Variants in STMN1 observed in about 807,000 individuals in gnomAD.
STMN1 encodes stathmin 1, also known as stathmin.
STMN1 carries 3 observed loss-of-function variants against 19.7 expected under a neutral mutation model. The observed-to-expected ratio is 0.15, with a 90% CI of 0.07 to 0.39. STMN1 has a LOEUF of 0.39. Among genes scored for constraint, STMN1 ranks in the 10% least tolerant of loss-of-function variants. The pLI is 1.00. For synonymous variants in STMN1, 59 were observed against 58.9 expected (o/e 1.00, Z -0.01); for missense variants, 99 against 176.0 (o/e 0.56, Z 2.48).
At chr1:25,906,621 G>A (rs1436673498), upstream of STMN1, among the ~76,000 whole-genome samples, 1 of 152,126 alleles carries the variant, frequency 6.6e-6, no homozygotes, top group Non-Finnish European at 1.5e-5. The surrounding 1 kb of genome is among the most constrained non-coding windows in gnomAD (Gnocchi z 4.5). Context: ...GCCGGGGGTT[G>A]CAGGGCGCCT....
chr1:25,892,380 CTTTTTTT>C (rs35541438), intron 4 of STMN1: 12 of 173,690 alleles, frequency 6.9e-5, no homozygotes, highest in East Asian at 2.4e-4. Context: ...CAGAGCAAGA[CTTTTTTT>C]TTTTTTTTTT....
intron 4 of STMN1, among the ~76,000 whole-genome samples, chr1:25,894,220 C>A (rs1398674354): frequency 6.6e-6 from 1 of 152,178 alleles, no homozygotes; most frequent in African/African-American, 2.4e-5. Flanking sequence ...TCAGTGGGAT[C>A]TCCTGTGCAG....
chr1:25,903,487 T>A, intron 3 of STMN1, 154 bp downstream of exon 3: 1 of 996,728 alleles, frequency 1.0e-6, no homozygotes, highest in Non-Finnish European at 1.5e-6. Flanking sequence ...GTAACAGGAG[T>A]TCAATAAATG....
chr1:25,903,938 T>G (rs966701897), intron 2 of STMN1, 125 bp from the exon 3 acceptor site: 36 of 1,016,790 alleles, frequency 3.5e-5, no homozygotes, highest in African/African-American at 1.5e-4. Flanking sequence ...GAAAGTTGTG[T>G]TTTTTTTCCC....
At chr1:25,897,545 G>A (rs1188144781), downstream of STMN1, among the ~76,000 whole-genome samples, 1 of 152,134 alleles carries the variant, frequency 6.6e-6, no homozygotes, top group East Asian at 1.9e-4. Flanking sequence ...GGTGGGGGAT[G>A]AGACCTCACT....
chr1:25,897,090 A>C (rs1481969422), downstream of STMN1, among the ~76,000 whole-genome samples: 1 of 152,102 alleles, frequency 6.6e-6, no homozygotes, highest in Non-Finnish European at 1.5e-5. Flanking sequence ...TGAGGCAGGC[A>C]GATCATGAGG....
At chr1:25,896,500 T>A (rs953839633), downstream of STMN1, among the ~76,000 whole-genome samples, 2 of 152,148 alleles carry the variant, frequency 1.3e-5, no homozygotes, top group African/African-American at 4.8e-5. Flanking sequence ...ATTTCCTGTC[T>A]GTTTTTTCTT....
chr1:25,898,048 G>T (rs1057198696), downstream of STMN1, among the ~76,000 whole-genome samples: 3 of 152,088 alleles, frequency 2.0e-5, no homozygotes, highest in Non-Finnish European at 4.4e-5. Flanking sequence ...CCACTCTCCA[G>T]TCAACTCACC....
chr1:25,902,542 C>G (rs2048887809), intron 3 of STMN1: 1 of 152,240 alleles, frequency 6.6e-6, no homozygotes, highest in Non-Finnish European at 1.5e-5. Flanking sequence ...ACAGCTTGTT[C>G]TCAAAACACA....
intron 3 of STMN1, chr1:25,902,630 C>T (rs569766427): frequency 6.6e-6 from 1 of 152,326 alleles, no homozygotes; most frequent in South Asian, 2.1e-4. Flanking sequence ...AAATCCTAGT[C>T]ATGATGGGAG....
At chr1:25,896,221 G>A (rs1040640110), downstream of STMN1, among the ~76,000 whole-genome samples, 5 of 152,142 alleles carry the variant, frequency 3.3e-5, no homozygotes, top group African/African-American at 1.2e-4. Context: ...CTTACTTCTC[G>A]CCTATGGAAT....
At chr1:25,892,402 T>A (rs61775035) in intron 4 of STMN1, 24 of 302,990 alleles carry the variant, frequency 7.9e-5, no homozygotes, top group East Asian at 1.7e-4. Flanking sequence ...TTTTTTTTTT[T>A]AAATAAAATC....
intron 4 of STMN1, among the ~76,000 whole-genome samples, chr1:25,890,249 GTA>G (rs2048760590): frequency 6.6e-6 from 1 of 152,160 alleles, no homozygotes; most frequent in African/African-American, 2.4e-5. Flanking sequence ...AACACATGAG[GTA>G]TGTCCGAAAC....
chr1:25,887,561 G>A (rs753466784), intron 4 of STMN1: 4 of 257,798 alleles, frequency 1.6e-5, no homozygotes, highest in Non-Finnish European at 2.4e-5. Flanking sequence ...GTATAAAAAT[G>A]TCCTTTATAG....
chr1:25,888,170 T>G (rs1026344573), intron 4 of STMN1, among the ~76,000 whole-genome samples: 12 of 152,228 alleles, frequency 7.9e-5, no homozygotes. Flanking sequence ...CCGTCAGAGG[T>G]AGAACACAGC....
At chr1:25,897,323 A>G (rs2048827273), downstream of STMN1, among the ~76,000 whole-genome samples, 1 of 143,594 alleles carries the variant, frequency 7.0e-6, no homozygotes, top group Non-Finnish European at 1.5e-5. Flanking sequence ...AAAAAAAAAA[A>G]AAAGAAAAGA....
chr1:25,903,101 ATATT>A (rs2048894218), intron 3 of STMN1: 1 of 152,234 alleles, frequency 6.6e-6, no homozygotes, highest in Admixed American at 6.5e-5. Context: ...TAGCATATTA[ATATT>A]TATTGATTCT....
downstream of STMN1, among the ~76,000 whole-genome samples, chr1:25,895,428 AAC>A (rs941568960): frequency 1.3e-5 from 2 of 152,188 alleles, no homozygotes; most frequent in African/African-American, 4.8e-5. Flanking sequence ...TGATCTAAAA[AAC>A]AGTTTGGCTG....
Position 25,904,707 on chromosome 1 carries a change from A to G in STMN1, c.-31T>C. The stretch of plus-strand genomic sequence containing the variant: ...ATAGAAGACAAGCGACAGGCAGTGT[A>G]TTCTGCACAATCAACTGGGATAAGG... On this transcript the variant is annotated 5_prime_UTR_variant, in exon 2 of 5. Coordinates refer to ENST00000455785, the MANE Select transcript of STMN1 (RefSeq NM_005563.4). 6.2e-7 allele frequency: 1 copy of G among 1,610,402 alleles called. No homozygotes were observed. The highest frequency in any genetic ancestry group is 8.5e-7 in the Non-Finnish European group (1 of 1,179,018).
Sources: allele counts gnomAD v4.1 joint callset (sites outside exome capture counted in the v4.1 genomes callset), GRCh38; gene constraint gnomAD v4.1.1; non-coding constraint Gnocchi (gnomAD v3.1); transcripts MANE v1.5; gene names NCBI Gene and HGNC (gene_info 2026-07-23, HGNC 2026-07-21).